PLCB1: variants seen among roughly 807,000 people sequenced by gnomAD.
PLCB1 encodes phospholipase C beta 1.
Under a neutral mutation model 161.8 loss-of-function variants are expected in PLCB1, and 46 were observed. That is an observed-to-expected ratio of 0.28 (90% confidence interval 0.22 to 0.36). The LOEUF is 0.36. Ranked by LOEUF, PLCB1 falls within the 10% of genes least tolerant of loss-of-function variation. PLCB1 has a pLI of 1.00. For synonymous variants in PLCB1, 517 were observed against 503.7 expected (o/e 1.03, Z -0.35); for missense variants, 1,016 against 1,472.5 (o/e 0.69, Z 5.07).
intron 3 of PLCB1, among the ~76,000 whole-genome samples, chr20:8,501,196 A>C (rs1983389955): frequency 6.6e-6 from 1 of 152,188 alleles, no homozygotes; most frequent in African/African-American, 2.4e-5. Flanking sequence ...TTTCCACGAC[A>C]AGGACCAACC....
chr20:8,763,150 A>AT (rs1982132490), intron 25 of PLCB1, among the ~76,000 whole-genome samples: 1 of 152,210 alleles, frequency 6.6e-6, no homozygotes, highest in African/African-American at 2.4e-5. Flanking sequence ...ATGTTAACAT[A>AT]TTTTTTAAAT....
chr20:8,875,173 T>C (rs1326384360), intron 31 of PLCB1, among the ~76,000 whole-genome samples: 1 of 151,164 alleles, frequency 6.6e-6, no homozygotes, highest in Admixed American at 6.6e-5. Flanking sequence ...TTTATGCTCA[T>C]TTTTCAGAGA....
chr20:8,533,277 G>A, intron 3 of PLCB1, among the ~76,000 whole-genome samples: 1 of 151,348 alleles, frequency 6.6e-6, no homozygotes, highest in Non-Finnish European at 1.5e-5. Context: ...TGGACATTTG[G>A]GTTGGTTCCA....
chr20:8,374,807 AAAGG>A (rs1456030419), intron 3 of PLCB1, among the ~76,000 whole-genome samples: 1 of 152,232 alleles, frequency 6.6e-6, no homozygotes, highest in African/African-American at 2.4e-5. Flanking sequence ...TATAGACCAT[AAAGG>A]AAGGAAGAAC....
At chr20:8,310,456 A>G (rs1295534887) in intron 2 of PLCB1, among the ~76,000 whole-genome samples, 1 of 152,198 alleles carries the variant, frequency 6.6e-6, no homozygotes. Flanking sequence ...AGATGAATTT[A>G]TAGGACAAAC....
intron 27 of PLCB1, among the ~76,000 whole-genome samples, chr20:8,775,849 C>T (rs8124984): frequency 0.012 from 1,836 of 152,204 alleles, 42 homozygotes; most frequent in African/African-American, 0.041. Context: ...AGAACTGCTG[C>T]CCAATACCTA....
At chr20:8,736,490 A>G (rs1980592226) in intron 19 of PLCB1, among the ~76,000 whole-genome samples, 2 of 152,296 alleles carry the variant, frequency 1.3e-5, no homozygotes, top group South Asian at 4.1e-4. Context: ...ACCATTTTCA[A>G]TATCCTTCTA....
intron 31 of PLCB1, among the ~76,000 whole-genome samples, chr20:8,861,158 A>G (rs1277539005): frequency 6.6e-6 from 1 of 152,210 alleles, no homozygotes; most frequent in Non-Finnish European, 1.5e-5. Context: ...TAATCAGGTT[A>G]TATGTCTTGA....
chr20:8,293,242 C>A (rs1983465878), intron 2 of PLCB1, among the ~76,000 whole-genome samples: 1 of 152,038 alleles, frequency 6.6e-6, no homozygotes. Context: ...CCTTGATAGA[C>A]CCACTTTATT....
At chr20:8,612,711 C>A (rs1174573065) in intron 3 of PLCB1, among the ~76,000 whole-genome samples, 1 of 152,184 alleles carries the variant, frequency 6.6e-6, no homozygotes, top group East Asian at 1.9e-4. Context: ...CTTAAAGCCC[C>A]TTCCCTAGCA....
intron 2 of PLCB1, among the ~76,000 whole-genome samples, chr20:8,309,860 C>T (rs369507456): frequency 1.2e-4 from 19 of 152,228 alleles, no homozygotes; most frequent in South Asian, 2.1e-4. Flanking sequence ...GGGATTAGCA[C>T]GCTAGCCAAT....
At chr20:8,187,380 AT>A (rs896364035) in intron 2 of PLCB1, among the ~76,000 whole-genome samples, 2 of 152,050 alleles carry the variant, frequency 1.3e-5, no homozygotes, top group Non-Finnish European at 2.9e-5. Flanking sequence ...TCTCCTTCAC[AT>A]CAAATATCCA....
At chr20:8,826,387 C>T (rs930510632) in intron 31 of PLCB1, among the ~76,000 whole-genome samples, 9 of 151,358 alleles carry the variant, frequency 5.9e-5, no homozygotes, top group South Asian at 4.2e-4. Flanking sequence ...CCCAGCTACT[C>T]GAGAGGCTGA....
In PLCB1 at chr20:8,774,665, T is replaced by C. The variant is rs1445705629; in HGVS notation, c.3057T>C (p.Leu1019=). The C allele has an allele frequency of 6.2e-7, 1 of 1,613,898 alleles. No homozygotes were observed. Among genetic ancestry groups the C allele is most frequent in the Non-Finnish European group, 8.5e-7 (1 of 1,179,888 alleles). ...AACAACAGCAGCAGCTGCTTAATCT[T>C]CGGCAAGAACAGTATTATAGTGAAA... ...KDKQQQQLLN[L]RQEQYYSEKY... is the part of the protein sequence containing the mutation. The change falls in exon 27 of 32, where the codon CTT becomes CTC. Residue 1019 remains leucine (L), a synonymous_variant. Coordinates refer to ENST00000338037, the MANE Select transcript of PLCB1 (RefSeq NM_015192.4).
chr20:8,244,993 G>A (rs570677526), intron 2 of PLCB1, among the ~76,000 whole-genome samples: 2 of 151,650 alleles, frequency 1.3e-5, no homozygotes, highest in Non-Finnish European at 2.9e-5. Flanking sequence ...AGGGGGGGAT[G>A]TATGACAAGT....
chr20:8,134,603 G>C (rs2051326452), intron 1 of PLCB1, among the ~76,000 whole-genome samples: 1 of 152,070 alleles, frequency 6.6e-6, no homozygotes, highest in Admixed American at 6.5e-5. Flanking sequence ...CTGGATTCTG[G>C]GGTGGTGAAA....
intron 3 of PLCB1, among the ~76,000 whole-genome samples, chr20:8,579,307 G>A (rs77647831): frequency 0.019 from 2,909 of 152,336 alleles, 42 homozygotes; most frequent in Non-Finnish European, 0.029. Flanking sequence ...GCCAGAGGAG[G>A]AATCACATGG....
At chr20:8,336,741 T>C (rs1475620415) in intron 2 of PLCB1, among the ~76,000 whole-genome samples, 1 of 152,218 alleles carries the variant, frequency 6.6e-6, no homozygotes, top group African/African-American at 2.4e-5. Context: ...CTTGAAGTTT[T>C]TATTTCATCT....
At chr20:8,250,404 C>A (rs138774928) in intron 2 of PLCB1, among the ~76,000 whole-genome samples, 1 of 151,976 alleles carries the variant, frequency 6.6e-6, no homozygotes, top group East Asian at 1.9e-4. Context: ...ATTTTCGCAT[C>A]TATTTTACTT....
Sources: allele counts gnomAD v4.1 joint callset (sites outside exome capture counted in the v4.1 genomes callset), GRCh38; gene constraint gnomAD v4.1.1; transcripts MANE v1.5; gene names NCBI Gene and HGNC (gene_info 2026-07-23, HGNC 2026-07-21).